Variants in EXD2 observed in about 807,000 individuals in gnomAD.
EXD2 encodes the protein exonuclease 3'-5' domain containing 2, also known as exonuclease 3'-5' domain-containing protein 2.
Under a neutral mutation model 62.5 loss-of-function variants are expected in EXD2, and 40 were observed. The observed-to-expected ratio is 0.64, with a 90% CI of 0.50 to 0.83. The LOEUF (loss-of-function observed/expected upper bound fraction) is 0.83, where lower values mean the gene tolerates loss of function less well. Ranked by LOEUF, EXD2 falls within the 40% of genes least tolerant of loss-of-function variation. The probability of loss-of-function intolerance (pLI) is 0.00; values close to 1 mark genes in which losing one functional copy is unlikely to be tolerated. For missense variants in EXD2, 671 were observed against 761.8 expected (o/e 0.88, Z 1.40); for synonymous variants, 239 against 291.9 (o/e 0.82, Z 1.85).
At chr14:69,224,397 C>T (rs1489281169) in intron 3 of EXD2, 2 of 152,230 alleles carry the variant, frequency 1.3e-5, no homozygotes, top group African/African-American at 4.8e-5. Flanking sequence ...AACTCCATCT[C>T]ATGATCCAGT....
intron 1 of EXD2, among the ~76,000 whole-genome samples, chr14:69,198,163 A>G (rs1308411518): frequency 6.6e-6 from 1 of 152,162 alleles, no homozygotes; most frequent in Admixed American, 6.6e-5. Flanking sequence ...TGCTATTATG[A>G]ATGAGATTTC....
In EXD2 at chr14:69,234,892, G is replaced by A. The variant is rs1261502294; in HGVS notation, c.910G>A (p.Val304Ile). 11 of 1,614,082 alleles carry A rather than the reference G, an allele frequency of 6.8e-6. No individual in the cohort carries two copies. Among genetic ancestry groups the A allele is most frequent in the Admixed American group, 1.7e-5 (1 of 60,004 alleles). Residue 304 changes from valine to isoleucine, a missense_variant, in exon 6 of 10, where the codon GTT (valine) becomes ATT (isoleucine). Val to Ile is a conservative substitution (Grantham distance 29). Transcript: ENST00000685843. ...SKGMSRLGEEVNGEATESQQK... is the reference protein window; with the variant it reads ...SKGMSRLGEEINGEATESQQK... ...AGGAATGAGCAGATTGGGAGAAGAGGTTAATGGGGAAGCAACAGAATCTCA... is the reference window on the plus strand; with the variant it reads ...AGGAATGAGCAGATTGGGAGAAGAGATTAATGGGGAAGCAACAGAATCTCA...
intron 1 of EXD2, among the ~76,000 whole-genome samples, chr14:69,194,125 C>T (rs569879948): frequency 6.3e-5 from 9 of 143,500 alleles, no homozygotes; most frequent in African/African-American, 1.6e-4. Flanking sequence ...ACTGTCACCT[C>T]GAACAGTCAG....
intron 7 of EXD2, 125 bp from the exon 8 acceptor site, chr14:69,236,282 A>T (rs549332789): frequency 1.3e-6 from 2 of 1,525,840 alleles, no homozygotes; most frequent in South Asian, 2.3e-5. Flanking sequence ...GGGACTGGGT[A>T]GGCACAACCC....
chr14:69,225,224 C>T (rs2043318018), intron 3 of EXD2, among the ~76,000 whole-genome samples: 2 of 152,220 alleles, frequency 1.3e-5, no homozygotes, highest in South Asian at 4.1e-4. Flanking sequence ...ATTAGTTAAC[C>T]TGTTCCAGCC....
intron 5 of EXD2, among the ~76,000 whole-genome samples, chr14:69,234,170 G>T (rs1249999784): frequency 6.6e-6 from 1 of 152,134 alleles, no homozygotes; most frequent in Non-Finnish European, 1.5e-5. Flanking sequence ...CTGTGACTTT[G>T]ATTTGAGGCC....
chr14:69,198,669 T>C (rs2042288501), intron 1 of EXD2, among the ~76,000 whole-genome samples: 1 of 152,214 alleles, frequency 6.6e-6, no homozygotes, highest in Non-Finnish European at 1.5e-5. Context: ...ACATTAAAGA[T>C]ATAAAAAGAA....
intron 1 of EXD2, among the ~76,000 whole-genome samples, chr14:69,192,843 A>G (rs1156330351): frequency 2.0e-5 from 3 of 152,120 alleles, no homozygotes; most frequent in African/African-American, 7.2e-5. Flanking sequence ...TGTAAATTCC[A>G]TGGTTATGTA....
At chr14:69,193,770 G>A (rs914169965) in intron 1 of EXD2, among the ~76,000 whole-genome samples, 4 of 152,024 alleles carry the variant, frequency 2.6e-5, no homozygotes, top group Admixed American at 1.3e-4. Flanking sequence ...TTCCCAATCC[G>A]AGTGGTTCTT....
chr14:69,229,065 C>A lies in EXD2; in HGVS notation c.583C>A (p.Arg195=). Residue 195 remains arginine (R), a synonymous_variant, in exon 4 of 10, where the codon CGG becomes AGG. Transcript: ENST00000685843. ...CCTGGACCTCCGATACCTAGCCATG[C>A]GGCAGAGGTGTGGTTTGTATGAATG... ...GCLDLRYLAM[R]QRNNLLCNGL... is the part of the protein sequence containing the mutation. 6.2e-7 allele frequency: 1 copy of A among 1,614,074 alleles called. No homozygotes were observed. Among genetic ancestry groups the A allele is most frequent in the African/African-American group, 1.3e-5 (1 of 75,030 alleles).
chr14:69,212,706 T>C (rs2042851615), intron 3 of EXD2, among the ~76,000 whole-genome samples: 1 of 141,458 alleles, frequency 7.1e-6, no homozygotes, highest in Non-Finnish European at 1.5e-5. Flanking sequence ...TTGATTTTTT[T>C]TTTTTTTTTT....
At chr14:69,201,438 C>G (rs2042394408) in intron 1 of EXD2, among the ~76,000 whole-genome samples, 1 of 152,050 alleles carries the variant, frequency 6.6e-6, no homozygotes, top group Non-Finnish European at 1.5e-5. Context: ...ATCCTCCCAC[C>G]TTGGCCTCCC....
At chr14:69,197,742 C>T (rs931772684) in intron 1 of EXD2, among the ~76,000 whole-genome samples, 13 of 151,906 alleles carry the variant, frequency 8.6e-5, no homozygotes, top group Non-Finnish European at 1.3e-4. Flanking sequence ...ATCCATGTTG[C>T]TGCATCCATT....
chr14:69,241,848 T>G lies in EXD2; in HGVS notation c.*748T>G, dbSNP rs2043991517. The G allele has an allele frequency of 5.0e-6, 2 of 398,932 alleles. No homozygotes were observed. Among genetic ancestry groups the G allele is most frequent in the African/African-American group, 4.1e-5 (2 of 48,606 alleles). 24.7% of individuals were successfully genotyped at this position (398,932 alleles called of 1,614,324 possible). On this transcript the variant is annotated 3_prime_UTR_variant, in exon 10 of 10. Coordinates refer to ENST00000685843, the MANE Select transcript of EXD2 (RefSeq NM_001193360.2). ...ATAGAACTTTGAAATTCACTCAGCT[T>G]TTCCTTTCATGCTGTTTGTTGCCTG...
chr14:69,240,414 AAT>A (rs1026137148), intron 9 of EXD2, among the ~76,000 whole-genome samples: 5 of 152,216 alleles, frequency 3.3e-5, no homozygotes, highest in African/African-American at 1.2e-4. Flanking sequence ...GCTCTAAAGA[AAT>A]ATGCTACCTT....
chr14:69,226,458 G>A (rs2043365735), intron 3 of EXD2, among the ~76,000 whole-genome samples: 1 of 152,148 alleles, frequency 6.6e-6, no homozygotes, highest in South Asian at 2.1e-4. Flanking sequence ...AGAAGTTGAG[G>A]GCTAGAGGGC....
chr14:69,235,233 T>C (rs114790678), intron 6 of EXD2, among the ~76,000 whole-genome samples: 1 of 152,226 alleles, frequency 6.6e-6, no homozygotes, highest in Non-Finnish European at 1.5e-5. Context: ...TCCCTTATTT[T>C]ACCTTTTTAT....
intron 3 of EXD2, among the ~76,000 whole-genome samples, chr14:69,218,105 G>A (rs1024142227): frequency 2.6e-4 from 39 of 152,288 alleles, no homozygotes; most frequent in African/African-American, 9.1e-4. Context: ...TTGAGGAATC[G>A]CCACACTGTC....
intron 7 of EXD2, 31 bp from the exon 8 acceptor site, chr14:69,236,376 G>A (rs1322991952): frequency 6.2e-7 from 1 of 1,613,864 alleles, no homozygotes. Context: ...GGCAGGGGGA[G>A]CAGTCAAACA....
Sources: gnomAD v4.1 joint callset for allele counts (sites outside exome capture counted in the v4.1 genomes callset) on GRCh38, gnomAD v4.1.1 for gene constraint, MANE v1.5 for transcripts, NCBI Gene and HGNC (gene_info 2026-07-23, HGNC 2026-07-21) for gene names.